VRK2: variants seen among roughly 807,000 people sequenced by gnomAD.
VRK2 encodes the protein serine/threonine-protein kinase VRK2.
In VRK2, 60 loss-of-function variants were observed where a neutral mutation model predicts 57.6. The observed-to-expected ratio is 1.04, with a 90% CI of 0.85 to 1.29. VRK2 has a LOEUF of 1.29. Ranked by LOEUF, VRK2 falls within the 50% of genes most tolerant of loss-of-function variation. VRK2 has a pLI of 0.00. For synonymous variants in VRK2, 231 were observed against 199.2 expected (o/e 1.16, Z -1.35); for missense variants, 705 against 588.1 (o/e 1.20, Z -2.06).
At chr2:57,958,903 T>TA (rs1671670923) in intron 1 of VRK2, among the ~76,000 whole-genome samples, 1 of 152,168 alleles carries the variant, frequency 6.6e-6, no homozygotes. Flanking sequence ...TCATTGCTTG[T>TA]ATTCAAAGGC....
chr2:57,956,452 A>T (rs889077330), intron 1 of VRK2, among the ~76,000 whole-genome samples: 1 of 152,220 alleles, frequency 6.6e-6, no homozygotes, highest in African/African-American at 2.4e-5. Flanking sequence ...TTCTTCCAGG[A>T]TGTCCTAATG....
chr2:58,029,449 G>A (rs934112379), intron 2 of VRK2, among the ~76,000 whole-genome samples: 1 of 152,084 alleles, frequency 6.6e-6, no homozygotes, highest in Non-Finnish European at 1.5e-5. Flanking sequence ...AACTCAGGTA[G>A]AAACAAGGTT....
At chr2:57,970,612 C>G (rs1423464207) in intron 1 of VRK2, among the ~76,000 whole-genome samples, 1 of 151,670 alleles carries the variant, frequency 6.6e-6, no homozygotes, top group Non-Finnish European at 1.5e-5. Flanking sequence ...AACATATATG[C>G]AAGAGTACTT....
At chr2:58,139,567 A>C in intron 10 of VRK2, 99 bp from the exon 11 acceptor site, 1 of 1,028,312 alleles carries the variant, frequency 9.7e-7, no homozygotes, top group South Asian at 1.7e-5. Context: ...GGAGATGTAA[A>C]TGTGTAAAAG....
chr2:57,991,835 G>T (rs1672777725), intron 1 of VRK2, among the ~76,000 whole-genome samples: 1 of 151,232 alleles, frequency 6.6e-6, no homozygotes, highest in African/African-American at 2.4e-5. Context: ...GCGCACTCCT[G>T]TAGTGCCAGC....
At chr2:58,044,084 T>C (rs753059612), upstream of VRK2, among the ~76,000 whole-genome samples, 16 of 152,206 alleles carry the variant, frequency 1.1e-4, no homozygotes, top group Non-Finnish European at 2.4e-4. Context: ...CAGTTTCAAG[T>C]AAATTTTTAC....
At chr2:58,117,757 G>A (rs1558657579) in intron 7 of VRK2, among the ~76,000 whole-genome samples, 1 of 152,140 alleles carries the variant, frequency 6.6e-6, no homozygotes, top group Non-Finnish European at 1.5e-5. Flanking sequence ...AAGCGGCATT[G>A]CAGAAGAAAA....
At chr2:58,057,394 T>C (rs934551279) in intron 2 of VRK2, among the ~76,000 whole-genome samples, 2 of 152,174 alleles carry the variant, frequency 1.3e-5, no homozygotes, top group Non-Finnish European at 2.9e-5. Context: ...CAAGAAGCTG[T>C]GTACTTAATC....
chr2:58,066,909 G>A (rs1668684298), intron 2 of VRK2, among the ~76,000 whole-genome samples: 1 of 152,166 alleles, frequency 6.6e-6, no homozygotes, highest in Non-Finnish European at 1.5e-5. Flanking sequence ...GGATATGTCT[G>A]TGAGGGTGTT....
At chr2:58,014,362 CTTA>C (rs1192842950) in intron 1 of VRK2, among the ~76,000 whole-genome samples, 1 of 152,132 alleles carries the variant, frequency 6.6e-6, no homozygotes, top group East Asian at 1.9e-4. Flanking sequence ...TGGCTAATTT[CTTA>C]TTATGAGAGC....
chr2:58,103,287 TAAAA>T (rs533803913), intron 7 of VRK2, among the ~76,000 whole-genome samples: 4 of 150,686 alleles, frequency 2.7e-5, no homozygotes, highest in African/African-American at 4.9e-5. Flanking sequence ...AAAATTAAAA[TAAAA>T]AAATCAACAA....
At chr2:57,982,531 C>T (rs1672454816) in intron 1 of VRK2, among the ~76,000 whole-genome samples, 2 of 152,148 alleles carry the variant, frequency 1.3e-5, no homozygotes, top group South Asian at 4.1e-4. Flanking sequence ...CTGTGGGAGG[C>T]TGCAGGCTGG....
At chr2:58,146,251 T>C (rs1040736299) in intron 11 of VRK2, 65 bp from the exon 12 acceptor site, 21 of 1,368,114 alleles carry the variant, frequency 1.5e-5, no homozygotes, top group African/African-American at 4.5e-5. Context: ...TCTGGACATA[T>C]ATGCATTTTT....
intron 1 of VRK2, among the ~76,000 whole-genome samples, chr2:57,996,382 A>G (rs1452995865): frequency 2.0e-5 from 3 of 152,242 alleles, no homozygotes; most frequent in Non-Finnish European, 1.5e-5. Flanking sequence ...CGCCCAAGGA[A>G]TAAGCAAGAA....
chr2:58,087,262 A>G (rs1671759925), intron 5 of VRK2, among the ~76,000 whole-genome samples: 1 of 152,176 alleles, frequency 6.6e-6, no homozygotes, highest in Non-Finnish European at 1.5e-5. Context: ...CTTTGTTGAA[A>G]TGGTCTCTAA....
At chr2:57,909,159 T>C (rs1669912633) in intron 1 of VRK2, among the ~76,000 whole-genome samples, 1 of 152,178 alleles carries the variant, frequency 6.6e-6, no homozygotes. Flanking sequence ...TCAAATAAGC[T>C]CTCTAACATT....
At chr2:58,036,396 G>A (rs1023838267) in intron 3 of VRK2, among the ~76,000 whole-genome samples, 4 of 151,862 alleles carry the variant, frequency 2.6e-5, no homozygotes, top group African/African-American at 9.7e-5. Context: ...GTGGTGAAGA[G>A]GCAGTGGGCA....
chr2:58,103,142 A>G (rs1292295356), intron 7 of VRK2, among the ~76,000 whole-genome samples: 2 of 151,530 alleles, frequency 1.3e-5, no homozygotes, highest in Non-Finnish European at 3.0e-5. Context: ...AGAAATCACA[A>G]ATTAACCAAA....
rs1285287210 is a variant in VRK2, at chr2:58,010,839, T to C, written c.-438-14826T>C. Among the ~76,000 whole-genome samples the C allele has an allele frequency of 3.3e-5, 5 of 152,214 alleles. No homozygotes were observed. The East Asian group carries it at 9.6e-4, about 29-fold the overall frequency. On this transcript the variant is annotated intron_variant, in intron 1 of 15. Transcript: ENST00000417641. ...ATATCTCTGCAAGGACAGGGAATTT[T>C]CTATATATGTTTACATAAGGACAGG...
Sources: allele counts gnomAD v4.1 joint callset (sites outside exome capture counted in the v4.1 genomes callset), GRCh38; gene constraint gnomAD v4.1.1; transcripts MANE v1.5; gene names NCBI Gene and HGNC (gene_info 2026-07-23, HGNC 2026-07-21).